RIN2: variants seen among roughly 807,000 people sequenced by gnomAD.
RIN2 encodes the protein Ras and Rab interactor 2.
RIN2 carries 36 observed loss-of-function variants against 78.0 expected under a neutral mutation model. The observed-to-expected ratio is 0.46, with a 90% CI of 0.35 to 0.61. RIN2 has a LOEUF of 0.61. Among genes scored for constraint, RIN2 ranks in the 20% least tolerant of loss-of-function variants. RIN2 has a pLI of 0.00. For missense variants in RIN2, 1,087 were observed against 1,159.7 expected, an observed-to-expected ratio of 0.94 and a Z score of 0.91; for synonymous variants, 466 against 466.8, an observed-to-expected ratio of 1.00 and a Z score of 0.02.
At chr20:19,935,231 G>A (rs201251758) in intron 4 of RIN2, 32 bp downstream of exon 4, 569 of 1,547,346 alleles carry the variant, frequency 3.7e-4, no homozygotes, top group Non-Finnish European at 4.5e-4. Flanking sequence ...TGATGGGTGC[G>A]AGAAAGGGAT....
At chr20:19,932,671 G>T (rs937389007) in intron 3 of RIN2, among the ~76,000 whole-genome samples, 3 of 151,992 alleles carry the variant, frequency 2.0e-5, no homozygotes, top group Non-Finnish European at 2.9e-5. Flanking sequence ...TATCTGCTGG[G>T]CCCCCTTCTC....
intron 2 of RIN2, among the ~76,000 whole-genome samples, chr20:19,873,556 T>A (rs548009843): frequency 5.3e-5 from 8 of 152,016 alleles, no homozygotes; most frequent in Non-Finnish European, 1.2e-4. Context: ...AATAAAGGAG[T>A]GGTTGCTGGT....
intron 2 of RIN2, among the ~76,000 whole-genome samples, chr20:19,829,947 A>G (rs1194927285): frequency 6.6e-6 from 1 of 152,222 alleles, no homozygotes; most frequent in East Asian, 1.9e-4. Flanking sequence ...TAGAATCTAA[A>G]TCACGTAGCC....
chr20:19,947,327 C>T (rs2041137652), intron 4 of RIN2, among the ~76,000 whole-genome samples: 1 of 152,114 alleles, frequency 6.6e-6, no homozygotes. Flanking sequence ...GGAAACACAG[C>T]AAGACCCCAT....
chr20:19,843,306 A>G (rs2036637561), intron 2 of RIN2, among the ~76,000 whole-genome samples: 1 of 152,240 alleles, frequency 6.6e-6, no homozygotes, highest in Admixed American at 6.5e-5. Context: ...GTAAAATGCT[A>G]TCAAACAACA....
chr20:19,812,340 A>G (rs1275070659), intron 2 of RIN2, among the ~76,000 whole-genome samples: 3 of 152,166 alleles, frequency 2.0e-5, no homozygotes, highest in Non-Finnish European at 4.4e-5. Flanking sequence ...TCAACTATGT[A>G]TGGTGCTTCC....
At chr20:19,966,338 T>C (rs535843119) in intron 7 of RIN2, among the ~76,000 whole-genome samples, 2 of 152,094 alleles carry the variant, frequency 1.3e-5, no homozygotes, top group South Asian at 4.2e-4. Context: ...TTTTTTTTTT[T>C]TGAGATGGAG....
At position 19,788,438 on chromosome 20, in the gene RIN2, A is replaced by AAAAAAAAAAAAAC. The variant is rs1223716266; in HGVS notation, c.-162-11173_-162-11172insACAAAAAAAAAAA. 1.7e-4 allele frequency among the ~76,000 whole-genome samples: 24 copies of AAAAAAAAAAAAAC among 140,358 alleles called. 2 individuals are homozygous for AAAAAAAAAAAAAC. The highest frequency in any genetic ancestry group is 7.0e-4 in the African/African-American group (24 of 34,088). 92.1% of individuals were successfully genotyped at this position (140,358 alleles called of 152,430 possible). A position where few individuals can be genotyped will look rare whatever the true frequency, so the allele number is the denominator to read the frequency against. ...GGCGAAATCCTGTCTCTGCCAAAAA[A>AAAAAAAAAAAAAC]AAAAAAAAAAACAACTAGCTAGGCA... On this transcript the variant is annotated intron_variant, in intron 1 of 12. Transcript: ENST00000255006.
intron 2 of RIN2, chr20:19,823,778 G>A: frequency 6.3e-7 from 1 of 1,598,612 alleles, no homozygotes; most frequent in South Asian, 1.1e-5. Context: ...GTAATCCTCA[G>A]GCCCTTCCAG....
chr20:19,757,628 C>G (rs2033424073), upstream of RIN2: 1 of 152,516 alleles, frequency 6.6e-6, no homozygotes, highest in Admixed American at 6.5e-5. Context: ...AGAACCTGCC[C>G]CGGAACCAAG....
At chr20:19,949,539 A>AT (rs2041230878) in intron 4 of RIN2, among the ~76,000 whole-genome samples, 2 of 152,200 alleles carry the variant, frequency 1.3e-5, no homozygotes, top group African/African-American at 4.8e-5. Context: ...TAGGTTTCTT[A>AT]TATCTAGAAA....
intron 3 of RIN2, among the ~76,000 whole-genome samples, chr20:19,909,693 T>C (rs551040230): frequency 6.6e-6 from 1 of 152,310 alleles, no homozygotes; most frequent in African/African-American, 2.4e-5. Flanking sequence ...ACTGAGATCC[T>C]GGTAGGTTAC....
At chr20:19,997,769 CAAAG>C (rs962949187) in intron 12 of RIN2, among the ~76,000 whole-genome samples, 7 of 152,086 alleles carry the variant, frequency 4.6e-5, no homozygotes, top group East Asian at 1.9e-4. Context: ...AAAAAAGAAA[CAAAG>C]AAATCCTTAC....
At chr20:19,904,729 G>C (rs2039143205) in intron 3 of RIN2, among the ~76,000 whole-genome samples, 2 of 152,324 alleles carry the variant, frequency 1.3e-5, no homozygotes, top group African/African-American at 4.8e-5. Flanking sequence ...ATCGGAAGCG[G>C]TGATGGGTAT....
chr20:19,795,359 G>A (rs760256824), intron 1 of RIN2, among the ~76,000 whole-genome samples: 1 of 152,132 alleles, frequency 6.6e-6, no homozygotes. Context: ...TTTTTAGATT[G>A]TTTGGGTTTG....
intron 3 of RIN2, among the ~76,000 whole-genome samples, chr20:19,920,220 C>T (rs576092055): frequency 6.7e-6 from 1 of 149,630 alleles, no homozygotes; most frequent in African/African-American, 2.5e-5. Flanking sequence ...GGCGTGAACC[C>T]GGGAGGGGGA....
At position 19,883,297 on chromosome 20, in the gene RIN2, A is replaced by G. The variant is rs898670927; in HGVS notation, c.-36-6269A>G. On this transcript the variant is annotated intron_variant, in intron 2 of 12. Coordinates refer to ENST00000255006, the MANE Select transcript of RIN2 (RefSeq NM_018993.4). ...CCAAGGGGGAAAATGAGGGCATTGG[A>G]TAGGAGGTGAGAGAAGCTTCCTACT... is the stretch of plus-strand genomic sequence containing the variant. 1.1e-4 allele frequency among the ~76,000 whole-genome samples: 17 copies of G among 148,776 alleles called. No homozygotes were observed. In the East Asian group the frequency reaches 3.5e-3, roughly 30 times the overall value.
chr20:19,822,661 CA>C (rs1335233476), intron 2 of RIN2, among the ~76,000 whole-genome samples: 1 of 150,600 alleles, frequency 6.6e-6, no homozygotes, highest in Admixed American at 6.6e-5. Flanking sequence ...TACACACACA[CA>C]CACACCCACA....
chr20:19,878,479 C>A (rs2037923527), intron 2 of RIN2, among the ~76,000 whole-genome samples: 1 of 152,174 alleles, frequency 6.6e-6, no homozygotes, highest in Admixed American at 6.5e-5. Flanking sequence ...AGGGACAAAA[C>A]ACAGACGAGT....
Sources: allele counts gnomAD v4.1 joint callset (sites outside exome capture counted in the v4.1 genomes callset), GRCh38; gene constraint gnomAD v4.1.1; transcripts MANE v1.5; gene names NCBI Gene and HGNC (gene_info 2026-07-23, HGNC 2026-07-21).